GPC5: variants seen among roughly 807,000 people sequenced by gnomAD.
GPC5 encodes the protein glypican-5.
In GPC5, 47 loss-of-function variants were observed where a neutral mutation model predicts 53.9. That is an observed-to-expected ratio of 0.87 (90% CI 0.69 to 1.11). The LOEUF (loss-of-function observed/expected upper bound fraction) is 1.11. GPC5 is among the 50% of genes most tolerant of loss of function. GPC5 has a pLI of 0.00. For synonymous variants in GPC5, 286 were observed against 263.3 expected (o/e 1.09, Z -0.84); for missense variants, 748 against 713.1 (o/e 1.05, Z -0.56).
At chr13:92,862,527 G>A (rs1329859015) in intron 7 of GPC5, among the ~76,000 whole-genome samples, 1 of 151,808 alleles carries the variant, frequency 6.6e-6, no homozygotes, top group Non-Finnish European at 1.5e-5. Context: ...GATACCTGGT[G>A]GAGATATATA....
chr13:91,889,393 G>A (rs973280568), intron 5 of GPC5, among the ~76,000 whole-genome samples: 2 of 151,862 alleles, frequency 1.3e-5, no homozygotes, highest in Non-Finnish European at 2.9e-5. Flanking sequence ...AGATTAGTCT[G>A]CATATTGGGT....
rs553184765 is a variant in GPC5 at position 91,959,298 on chromosome 13, C to A, written c.1401+51241C>A. ...AACTATATACTCACAAACAGGAAAA[C>A]CTAGAAGAAATGGATAAATTATACA... On this transcript the variant is annotated intron_variant, in intron 6 of 7. Coordinates refer to ENST00000377067, the MANE Select transcript of GPC5 (RefSeq NM_004466.6). Among the ~76,000 whole-genome samples, 4 of 151,572 alleles carry A rather than the reference C, an allele frequency of 2.6e-5. No individual in the cohort carries two copies. In the South Asian group the frequency reaches 6.3e-4, roughly 24 times the overall value.
intron 7 of GPC5, among the ~76,000 whole-genome samples, chr13:92,309,348 A>ACT (rs1354169475): frequency 1.3e-4 from 20 of 152,224 alleles, no homozygotes; most frequent in Admixed American, 1.2e-3. Context: ...CACACATCTG[A>ACT]CTAGAGGTAG....
intron 7 of GPC5, among the ~76,000 whole-genome samples, chr13:92,795,064 C>A (rs1382413299): frequency 4.6e-5 from 7 of 152,044 alleles, no homozygotes; most frequent in Non-Finnish European, 1.0e-4. Context: ...CAAAAAAGAG[C>A]CCGCATAGCC....
intron 7 of GPC5, among the ~76,000 whole-genome samples, chr13:92,517,845 G>T (rs1416636764): frequency 4.6e-5 from 7 of 152,218 alleles, no homozygotes; most frequent in African/African-American, 1.4e-4. Context: ...ACTTTGATGA[G>T]TTGAGAGAAG....
intron 7 of GPC5, among the ~76,000 whole-genome samples, chr13:92,611,311 T>A (rs1884428455): frequency 6.6e-6 from 1 of 152,156 alleles, no homozygotes. Context: ...GGACTTAGGC[T>A]GTAATCCCAG....
chr13:91,689,262 T>TA (rs1238365442), intron 2 of GPC5, among the ~76,000 whole-genome samples: 2 of 139,202 alleles, frequency 1.4e-5, no homozygotes, highest in East Asian at 2.1e-4. Context: ...AAATTTTTTT[T>TA]AAAAAAGGTA....
At chr13:92,692,546 G>GGGAGGGA (rs1887430703) in intron 7 of GPC5, among the ~76,000 whole-genome samples, 1 of 122,746 alleles carries the variant, frequency 8.1e-6, no homozygotes, top group Non-Finnish European at 1.7e-5. Flanking sequence ...GGGGGGAGGG[G>GGGAGGGA]GGAGGGATAG....
chr13:92,270,524 G>A (rs2042832860), intron 7 of GPC5, among the ~76,000 whole-genome samples: 2 of 152,300 alleles, frequency 1.3e-5, no homozygotes, highest in South Asian at 4.1e-4. Flanking sequence ...GTCTTTTACA[G>A]CCTGTGGAAC....
At chr13:91,488,817 C>G (rs542464167) in intron 2 of GPC5, among the ~76,000 whole-genome samples, 34 of 152,336 alleles carry the variant, frequency 2.2e-4, no homozygotes, top group Admixed American at 1.6e-3. Flanking sequence ...GCCAACAGAG[C>G]TGTATTTCTC....
intron 5 of GPC5, among the ~76,000 whole-genome samples, chr13:91,820,809 A>G (rs7999964): frequency 0.38 from 57,479 of 151,784 alleles, 12,596 homozygotes; most frequent in East Asian, 0.86. Context: ...TAAAAATACA[A>G]AAAATTAGCC....
intron 7 of GPC5, among the ~76,000 whole-genome samples, chr13:92,360,507 C>A (rs749243876): frequency 4.6e-5 from 7 of 151,478 alleles, no homozygotes; most frequent in African/African-American, 1.7e-4. Flanking sequence ...TATGACAAAC[C>A]GACAGCCAAC....
At chr13:91,555,854 A>G (rs2030915853) in intron 2 of GPC5, among the ~76,000 whole-genome samples, 1 of 152,030 alleles carries the variant, frequency 6.6e-6, no homozygotes, top group Non-Finnish European at 1.5e-5. Context: ...AAAGTTATTC[A>G]CTACCATGAG....
At chr13:92,215,511 T>C (rs1007094260) in intron 7 of GPC5, among the ~76,000 whole-genome samples, 5 of 152,190 alleles carry the variant, frequency 3.3e-5, no homozygotes, top group African/African-American at 1.2e-4. Flanking sequence ...CTATCTGAAA[T>C]CAACAAGTGA....
chr13:91,440,086 C>T (rs943514870), intron 1 of GPC5, among the ~76,000 whole-genome samples: 1 of 151,954 alleles, frequency 6.6e-6, no homozygotes, highest in African/African-American at 2.4e-5. Context: ...ATTCATTTGT[C>T]TTGGGGTTCA....
intron 7 of GPC5, among the ~76,000 whole-genome samples, chr13:92,281,960 G>A (rs1473492380): frequency 6.6e-6 from 1 of 152,130 alleles, no homozygotes; most frequent in African/African-American, 2.4e-5. Context: ...AGCTAAAGGA[G>A]GAAGTTCAAT....
chr13:92,674,149 C>T (rs1429719647), intron 7 of GPC5, among the ~76,000 whole-genome samples: 4 of 152,104 alleles, frequency 2.6e-5, no homozygotes, highest in Non-Finnish European at 4.4e-5. Context: ...GGCTTTTCTC[C>T]TTCAGTAACC....
intron 7 of GPC5, chr13:92,239,969 T>C (rs987853796): frequency 6.6e-6 from 1 of 152,120 alleles, no homozygotes; most frequent in African/African-American, 2.4e-5. Flanking sequence ...TTTTTGTCCA[T>C]ATAATTAAAG....
At chr13:92,475,342 T>C (rs1306706647) in intron 7 of GPC5, among the ~76,000 whole-genome samples, 1 of 147,512 alleles carries the variant, frequency 6.8e-6, no homozygotes, top group Non-Finnish European at 1.5e-5. Flanking sequence ...GAGCATGGAA[T>C]GTTCTTCCAT....
Sources: gnomAD v4.1 joint callset for allele counts (sites outside exome capture counted in the v4.1 genomes callset) on GRCh38, gnomAD v4.1.1 for gene constraint, MANE v1.5 for transcripts, NCBI Gene and HGNC (gene_info 2026-07-23, HGNC 2026-07-21) for gene names.